SYT2: variants seen among roughly 807,000 people sequenced by gnomAD.
The protein encoded by SYT2 is synaptotagmin 2.
SYT2 carries 15 observed loss-of-function variants against 39.9 expected under a neutral mutation model. That is an observed-to-expected ratio of 0.38 (90% CI 0.25 to 0.58). The LOEUF (loss-of-function observed/expected upper bound fraction) is 0.58. Ranked by LOEUF, SYT2 falls within the 20% of genes least tolerant of loss-of-function variation. The probability of loss-of-function intolerance (pLI) is 0.70; values close to 1 mark genes in which losing one functional copy is unlikely to be tolerated. For missense variants in SYT2, 389 were observed against 530.3 expected, an observed-to-expected ratio of 0.73 and a Z score of 2.62; for synonymous variants, 181 against 204.5, an observed-to-expected ratio of 0.89 and a Z score of 0.98.
intron 1 of SYT2, among the ~76,000 whole-genome samples, chr1:202,654,317 T>C (rs1352232214): frequency 6.6e-6 from 1 of 152,194 alleles, no homozygotes. Context: ...ACTGCAACTC[T>C]GCTGCCCACG....
intron 1 of SYT2, among the ~76,000 whole-genome samples, chr1:202,626,398 CTTTTTTTTTT>C (rs58802666): frequency 2.5e-4 from 18 of 72,454 alleles, no homozygotes; most frequent in African/African-American, 3.4e-4. Context: ...AGCCTCTCAG[CTTTTTTTTTT>C]TTTTTTTTTT....
intron 1 of SYT2, among the ~76,000 whole-genome samples, chr1:202,657,061 C>T (rs887170073): frequency 6.6e-6 from 1 of 152,200 alleles, no homozygotes; most frequent in South Asian, 2.1e-4. Flanking sequence ...CAAATTCTTC[C>T]GGGCACAGCT....
chr1:202,634,663 C>T (rs1404098540), intron 1 of SYT2, among the ~76,000 whole-genome samples: 2 of 152,092 alleles, frequency 1.3e-5, no homozygotes, highest in Admixed American at 6.6e-5. Context: ...AGAAATAAAA[C>T]GCAGTATATC....
At chr1:202,611,204 C>T (rs1690875830) in intron 1 of SYT2, among the ~76,000 whole-genome samples, 2 of 152,084 alleles carry the variant, frequency 1.3e-5, no homozygotes, top group South Asian at 4.1e-4. Flanking sequence ...CTATTCAAAT[C>T]CTTTGGTCAT....
chr1:202,656,660 C>T (rs1159709702), intron 1 of SYT2, among the ~76,000 whole-genome samples: 1 of 152,246 alleles, frequency 6.6e-6, no homozygotes, highest in Non-Finnish European at 1.5e-5. Flanking sequence ...ACATACCACA[C>T]ATATGTGGAG....
intron 1 of SYT2, among the ~76,000 whole-genome samples, chr1:202,687,575 G>A (rs1345899213): frequency 1.3e-5 from 2 of 149,894 alleles, no homozygotes; most frequent in Non-Finnish European, 2.9e-5. Flanking sequence ...TTGACCAGAC[G>A]CCAGGGAGAA....
chr1:202,674,274 G>A (rs1020231774), intron 1 of SYT2, among the ~76,000 whole-genome samples: 3 of 152,034 alleles, frequency 2.0e-5, no homozygotes. Flanking sequence ...GCTAATTTTT[G>A]TATTTTTAGC....
intron 1 of SYT2, among the ~76,000 whole-genome samples, chr1:202,649,017 C>A (rs1319247538): frequency 6.6e-6 from 1 of 152,232 alleles, no homozygotes; most frequent in Non-Finnish European, 1.5e-5. Context: ...GACTCTGCCC[C>A]TCCAATGATC....
intron 1 of SYT2, among the ~76,000 whole-genome samples, chr1:202,669,821 G>A (rs979626627): frequency 1.3e-5 from 2 of 151,648 alleles, no homozygotes; most frequent in African/African-American, 2.4e-5. Context: ...CCATAGTTGA[G>A]TAGAAAGACA....
rs1310805640 is a variant in SYT2 at position 202,591,360 on chromosome 1, T to C, written c.*5397A>G. 3 of 152,462 alleles carry C rather than the reference T, an allele frequency of 2.0e-5. No homozygotes were observed. Among genetic ancestry groups the C allele is most frequent in the African/African-American group, 7.2e-5 (3 of 41,478 alleles). The allele number at this position is 152,462 out of a possible 1,614,324, so 9.4% of individuals were successfully genotyped here. ...ATCCTGGGCTCTTCCCATGCAGTAC[T>C]GCCCTCAGGTGCCCATGGGGCCAGG... On this transcript the variant is annotated 3_prime_UTR_variant, in exon 9 of 9. Transcript: ENST00000367268.
intron 7 of SYT2, 103 bp downstream of exon 7, chr1:202,600,254 G>A (rs1690451467): frequency 1.1e-6 from 1 of 941,414 alleles, no homozygotes; most frequent in African/African-American, 1.6e-5. Context: ...CTCAGTCCCA[G>A]GGCAGCAAAG....
intron 1 of SYT2, among the ~76,000 whole-genome samples, chr1:202,699,916 GC>G (rs1572687192): frequency 6.6e-6 from 1 of 151,980 alleles, no homozygotes; most frequent in Non-Finnish European, 1.5e-5. Context: ...CCCTCTCTGG[GC>G]CTTGTCTTTA....
chr1:202,693,170 C>A (rs1218622735), intron 1 of SYT2, among the ~76,000 whole-genome samples: 1 of 152,038 alleles, frequency 6.6e-6, no homozygotes, highest in Non-Finnish European at 1.5e-5. Flanking sequence ...CTGAACCTCC[C>A]CATCTGGAGA....
intron 1 of SYT2, among the ~76,000 whole-genome samples, chr1:202,701,921 G>T (rs1224179941): frequency 6.6e-6 from 1 of 152,200 alleles, no homozygotes; most frequent in Non-Finnish European, 1.5e-5. Flanking sequence ...ACACAGGCAG[G>T]AAGTGGCAGT....
intron 1 of SYT2, among the ~76,000 whole-genome samples, chr1:202,609,762 G>A (rs1452566749): frequency 6.6e-6 from 1 of 152,112 alleles, no homozygotes; most frequent in Non-Finnish European, 1.5e-5. Context: ...ATTTGTTTGA[G>A]TTCATTGTAG....
intron 1 of SYT2, among the ~76,000 whole-genome samples, chr1:202,647,911 G>A (rs979028216): frequency 4.6e-5 from 7 of 151,148 alleles, no homozygotes; most frequent in African/African-American, 1.7e-4. Context: ...TAGAATCATT[G>A]GATCTCACAG....
Position 202,662,286 on chromosome 1 carries a change from T to C in SYT2, c.-18+47972A>G, listed in dbSNP as rs1266460108. Among the ~76,000 whole-genome samples, 4 of 152,342 alleles carry C rather than the reference T, an allele frequency of 2.6e-5. No individual in the cohort carries two copies. In the East Asian group the frequency reaches 7.7e-4, roughly 29 times the overall value. Reference sequence around the variant, plus strand: ...CCAGATCTTCAGATCCCAGTGTTTTTCCCCTATCTCTGCAGCCTCACTACT... The same window carrying C: ...CCAGATCTTCAGATCCCAGTGTTTTCCCCCTATCTCTGCAGCCTCACTACT... On this transcript the variant is annotated intron_variant, in intron 1 of 8. Coordinates refer to ENST00000367268, the MANE Select transcript of SYT2 (RefSeq NM_177402.5).
chr1:202,668,222 G>A (rs1242419214), intron 1 of SYT2, among the ~76,000 whole-genome samples: 3 of 152,150 alleles, frequency 2.0e-5, no homozygotes, highest in Non-Finnish European at 4.4e-5. Flanking sequence ...CACATCTCTC[G>A]TGCGCTCATC....
intron 1 of SYT2, among the ~76,000 whole-genome samples, chr1:202,686,332 C>T (rs4950738): frequency 0.3 from 46,248 of 152,094 alleles, 7,202 homozygotes; most frequent in South Asian, 0.41. Context: ...AATGGCCTAA[C>T]ACAACCCTGT....
Sources: gnomAD v4.1 joint callset for allele counts (sites outside exome capture counted in the v4.1 genomes callset) on GRCh38, gnomAD v4.1.1 for gene constraint, MANE v1.5 for transcripts, NCBI Gene and HGNC (gene_info 2026-07-23, HGNC 2026-07-21) for gene names.